DIAPH2: variants seen among roughly 807,000 people sequenced by gnomAD.
DIAPH2 encodes the protein diaphanous related formin 2, also known as protein diaphanous homolog 2.
A neutral mutation model predicts 92.7 loss-of-function variants in DIAPH2; 35 were observed. That is an observed-to-expected ratio of 0.38 (90% CI 0.29 to 0.50). DIAPH2 has a LOEUF of 0.50. Among genes scored for constraint, DIAPH2 ranks in the 20% least tolerant of loss-of-function variants. The probability of loss-of-function intolerance (pLI) is 0.94; values close to 1 mark genes in which losing one functional copy is unlikely to be tolerated. For missense variants in DIAPH2, 701 were observed against 819.5 expected (o/e 0.86, Z 1.77); for synonymous variants, 301 against 280.4 (o/e 1.07, Z -0.73).
At chrX:97,509,681 C>T (rs1409668814) in intron 26 of DIAPH2, among the ~76,000 whole-genome samples, 1 of 104,129 alleles carries the variant, frequency 9.6e-6, no homozygotes, top group Non-Finnish European at 1.9e-5. Flanking sequence ...ACAACAGTCC[C>T]CAGAGTGTGA....
Position 97,222,172 on chromosome X carries a change from AGATGATGAT to A in DIAPH2, c.2720-25503_2720-25495del, listed in dbSNP as rs56742311. 8.8e-3 allele frequency among the ~76,000 whole-genome samples: 920 copies of A among 104,057 alleles called. 6 individuals carry two copies. Among genetic ancestry groups the A allele is most frequent in the African/African-American group, 0.032 (875 of 27,121 alleles). The allele number at this position is 104,057 out of a possible 115,157, so 90.4% of individuals were successfully genotyped here. On this transcript the variant is annotated intron_variant, in intron 22 of 26. Coordinates refer to ENST00000324765, the MANE Select transcript of DIAPH2 (RefSeq NM_006729.5). ...TATTTGAAGTATAAAGGGAGGGTCT[AGATGATGAT>A]GATGATGATGATGATGATGATGATG...
At chrX:97,136,003 A>G (rs2067168152) in intron 21 of DIAPH2, among the ~76,000 whole-genome samples, 1 of 112,017 alleles carries the variant, frequency 8.9e-6, no homozygotes, top group Non-Finnish European at 1.9e-5. Context: ...ATCTTCACCC[A>G]TTTGTGCAGT....
intron 5 of DIAPH2, among the ~76,000 whole-genome samples, chrX:96,897,451 G>T (rs988933800): frequency 6.3e-5 from 7 of 110,332 alleles, no homozygotes; most frequent in African/African-American, 2.3e-4. Flanking sequence ...CAAAGTCAAA[G>T]TTGCATAAGT....
At chrX:97,410,378 G>C (rs1043263739) in intron 25 of DIAPH2, among the ~76,000 whole-genome samples, 1 of 111,765 alleles carries the variant, frequency 8.9e-6, no homozygotes, top group Non-Finnish European at 1.9e-5. Context: ...CAATAAAAAG[G>C]ACATCCACAC....
chrX:97,548,257 C>T (rs1435831017), intron 26 of DIAPH2, among the ~76,000 whole-genome samples: 4 of 111,897 alleles, frequency 3.6e-5, no homozygotes, highest in East Asian at 5.6e-4. Context: ...AATTTTTGGT[C>T]GATGCACAAT....
At chrX:97,331,599 G>C (rs2069002301) in intron 23 of DIAPH2, among the ~76,000 whole-genome samples, 2 of 112,192 alleles carry the variant, frequency 1.8e-5, no homozygotes, top group African/African-American at 3.2e-5. Flanking sequence ...TTCTGGTCCA[G>C]AGTTGGGCTA....
chrX:97,242,298 A>G (rs764638605), intron 22 of DIAPH2, among the ~76,000 whole-genome samples: 14 of 111,068 alleles, frequency 1.3e-4, no homozygotes, highest in Admixed American at 2.9e-4. Context: ...AATTTCACCA[A>G]TGAAGGAACA....
intron 26 of DIAPH2, among the ~76,000 whole-genome samples, chrX:97,545,539 T>A (rs200321853): frequency 0.12 from 10,667 of 85,641 alleles, 513 homozygotes; most frequent in Middle Eastern, 0.22. Context: ...AAAAAATATA[T>A]ATATATATAT....
intron 23 of DIAPH2, among the ~76,000 whole-genome samples, chrX:97,262,889 C>T (rs966623216): frequency 1.8e-5 from 2 of 111,795 alleles, no homozygotes; most frequent in Non-Finnish European, 3.8e-5. Context: ...AGAATTTTAA[C>T]GAAGGTGTAG....
chrX:97,147,925 A>G (rs1238997160), intron 22 of DIAPH2, among the ~76,000 whole-genome samples: 1 of 111,777 alleles, frequency 8.9e-6, no homozygotes, highest in Non-Finnish European at 1.9e-5. Flanking sequence ...ATAGGGGAAA[A>G]TCTATGGATT....
At chrX:96,785,776 C>T (rs1035912536) in intron 4 of DIAPH2, among the ~76,000 whole-genome samples, 2 of 110,337 alleles carry the variant, frequency 1.8e-5, no homozygotes, top group Non-Finnish European at 3.8e-5. Context: ...CACTCCCGGC[C>T]CCGAATTTGC....
At chrX:97,160,115 G>A (rs1195782266) in intron 22 of DIAPH2, among the ~76,000 whole-genome samples, 1 of 110,288 alleles carries the variant, frequency 9.1e-6, no homozygotes, top group Admixed American at 9.7e-5. Context: ...CGGGGTGGGG[G>A]CTGGAAAATT....
At chrX:97,301,045 T>TGTAATCCCAGCACTTTGGGAGGCC (rs2068699326) in intron 23 of DIAPH2, among the ~76,000 whole-genome samples, 2 of 97,580 alleles carry the variant, frequency 2.0e-5, no homozygotes, top group African/African-American at 7.5e-5. Flanking sequence ...GGCTCACGCC[T>TGTAATCCCAGCACTTTGGGAGGCC]GTAATCCCAG....
chrX:97,287,514 A>G (rs1200893308), intron 23 of DIAPH2, among the ~76,000 whole-genome samples: 4 of 110,334 alleles, frequency 3.6e-5, no homozygotes, highest in African/African-American at 1.3e-4. Context: ...AATGCTTTAT[A>G]TATCAGTAGG....
chrX:97,335,988 G>A (rs191512336), intron 23 of DIAPH2, among the ~76,000 whole-genome samples: 1 of 110,824 alleles, frequency 9.0e-6, no homozygotes, highest in African/African-American at 3.3e-5. Flanking sequence ...ACTTAACTCC[G>A]TAGTCTCTAG....
At chrX:97,198,530 T>A (rs1044103693) in intron 22 of DIAPH2, among the ~76,000 whole-genome samples, 2 of 111,585 alleles carry the variant, frequency 1.8e-5, no homozygotes, top group Non-Finnish European at 3.8e-5. Context: ...TTGTACTTAA[T>A]GTATTTGCAA....
intron 17 of DIAPH2, among the ~76,000 whole-genome samples, chrX:97,015,235 T>C (rs900361023): frequency 3.6e-5 from 4 of 111,770 alleles, no homozygotes; most frequent in African/African-American, 1.3e-4. Context: ...AAATGTACCA[T>C]ATTTAGCTTA....
At chrX:97,550,510 G>A (rs966935780) in intron 26 of DIAPH2, among the ~76,000 whole-genome samples, 4 of 111,500 alleles carry the variant, frequency 3.6e-5, no homozygotes, top group Admixed American at 9.5e-5. Context: ...GCTACATGTC[G>A]GGTATGTTTC....
At chrX:97,035,920 G>A (rs1230320574) in intron 17 of DIAPH2, among the ~76,000 whole-genome samples, 1 of 107,912 alleles carries the variant, frequency 9.3e-6, no homozygotes, top group Non-Finnish European at 1.9e-5. Flanking sequence ...GAGGTGGGAG[G>A]ATCCCCTGAG....
Sources: gnomAD v4.1 joint callset for allele counts (sites outside exome capture counted in the v4.1 genomes callset) on GRCh38, gnomAD v4.1.1 for gene constraint, MANE v1.5 for transcripts, NCBI Gene and HGNC (gene_info 2026-07-23, HGNC 2026-07-21) for gene names.